Variants in ST6GALNAC3 observed in about 807,000 individuals in gnomAD.
ST6GALNAC3 encodes alpha-N-acetylgalactosaminide alpha-2,6-sialyltransferase 3.
A neutral mutation model predicts 32.7 loss-of-function variants in ST6GALNAC3; 25 were observed. The ratio of observed to expected loss-of-function variants is 0.76; its 90% confidence interval spans 0.56 to 1.07. The LOEUF is 1.07. Ranked by LOEUF, ST6GALNAC3 falls within the 50% of genes least tolerant of loss-of-function variation. ST6GALNAC3 has a pLI of 0.00. For missense variants in ST6GALNAC3, 355 were observed against 382.4 expected (o/e 0.93, Z 0.60); for synonymous variants, 129 against 133.1 (o/e 0.97, Z 0.21).
chr1:76,083,707 T>A (rs906783049), intron 1 of ST6GALNAC3, among the ~76,000 whole-genome samples: 5 of 152,246 alleles, frequency 3.3e-5, no homozygotes, highest in Non-Finnish European at 7.3e-5. Context: ...TTATTTAACT[T>A]GGTATATCCA....
chr1:76,333,742 A>G (rs531281658), intron 2 of ST6GALNAC3, among the ~76,000 whole-genome samples: 3 of 152,306 alleles, frequency 2.0e-5, no homozygotes, highest in African/African-American at 4.8e-5. Context: ...ATTTTAGTCA[A>G]TAAATATTTG....
chr1:76,577,882 G>C (rs762279186), intron 3 of ST6GALNAC3, among the ~76,000 whole-genome samples: 1 of 152,002 alleles, frequency 6.6e-6, no homozygotes, highest in Non-Finnish European at 1.5e-5. Context: ...AATATGTTTA[G>C]TGGATGAAGG....
At chr1:76,415,018 T>C (rs1654519284) in intron 3 of ST6GALNAC3, among the ~76,000 whole-genome samples, 1 of 151,894 alleles carries the variant, frequency 6.6e-6, no homozygotes, top group South Asian at 2.1e-4. Context: ...TCTCTCCTTC[T>C]CTCTTCTATC....
At chr1:76,077,151 G>T (rs1646827853) in intron 1 of ST6GALNAC3, among the ~76,000 whole-genome samples, 1 of 152,192 alleles carries the variant, frequency 6.6e-6, no homozygotes. Context: ...TCTTGCATAT[G>T]ATTTTAGACA....
intron 1 of ST6GALNAC3, among the ~76,000 whole-genome samples, chr1:76,263,389 A>T (rs1382551354): frequency 7.7e-6 from 1 of 129,556 alleles, no homozygotes; most frequent in African/African-American, 4.9e-5. Flanking sequence ...CTTATGTAAT[A>T]TTTTTTTATA....
At chr1:76,493,196 CTTG>C (rs1396808430) in intron 3 of ST6GALNAC3, among the ~76,000 whole-genome samples, 1 of 152,142 alleles carries the variant, frequency 6.6e-6, no homozygotes, top group African/African-American at 2.4e-5. Flanking sequence ...TGCTCTAAAT[CTTG>C]TTGTGCTGGA....
intron 3 of ST6GALNAC3, among the ~76,000 whole-genome samples, chr1:76,590,545 T>G (rs1306860545): frequency 6.6e-6 from 1 of 152,224 alleles, no homozygotes; most frequent in African/African-American, 2.4e-5. Flanking sequence ...AATACTGACT[T>G]ACTTCCAATC....
rs188780690 is a variant in ST6GALNAC3 at position 76,478,895 on chromosome 1, T to G, written c.623+66478T>G. ...CTCCTGCCTCAGCCTCCTGAGTAGC[T>G]GGGACCACAGGTGCCCGCCACCACG... On this transcript the variant is annotated intron_variant, in intron 3 of 4. Transcript: ENST00000328299. Among the ~76,000 whole-genome samples, 534 of 151,552 alleles carry G rather than the reference T, an allele frequency of 3.5e-3. 12 individuals carry two copies. The highest frequency in any genetic ancestry group is 0.032 in the Admixed American group (493 of 15,176).
intron 1 of ST6GALNAC3, among the ~76,000 whole-genome samples, chr1:76,089,068 A>G (rs113655309): frequency 0.018 from 2,748 of 152,114 alleles, 95 homozygotes; most frequent in African/African-American, 0.063. Flanking sequence ...TCGCTCTGTC[A>G]CCCAGGCTGG....
intron 1 of ST6GALNAC3, among the ~76,000 whole-genome samples, chr1:76,075,696 G>T (rs1008679704): frequency 2.1e-5 from 3 of 146,000 alleles, no homozygotes; most frequent in African/African-American, 7.3e-5. Context: ...ACTGGTAGAG[G>T]CCTCCCCTGC....
At chr1:76,474,074 C>T (rs376323092) in intron 3 of ST6GALNAC3, among the ~76,000 whole-genome samples, 1 of 152,092 alleles carries the variant, frequency 6.6e-6, no homozygotes, top group Non-Finnish European at 1.5e-5. Context: ...TCAATCACCC[C>T]AACAGAGACA....
At chr1:76,377,893 G>A (rs969504932) in intron 2 of ST6GALNAC3, among the ~76,000 whole-genome samples, 1 of 152,216 alleles carries the variant, frequency 6.6e-6, no homozygotes, top group East Asian at 1.9e-4. Context: ...GTGTCTACTG[G>A]GGTCGCAGGG....
At chr1:76,575,584 C>T (rs940892329) in intron 3 of ST6GALNAC3, among the ~76,000 whole-genome samples, 9 of 152,042 alleles carry the variant, frequency 5.9e-5, no homozygotes, top group Middle Eastern at 3.2e-3. Flanking sequence ...GATTAACTCT[C>T]AAGTTTCTTA....
intron 3 of ST6GALNAC3, among the ~76,000 whole-genome samples, chr1:76,540,061 G>C (rs988508815): frequency 1.3e-5 from 2 of 152,142 alleles, no homozygotes; most frequent in African/African-American, 4.8e-5. Flanking sequence ...GCACATATAT[G>C]TTTACTGCAG....
intron 3 of ST6GALNAC3, among the ~76,000 whole-genome samples, chr1:76,608,572 G>A (rs1647711324): frequency 6.6e-6 from 1 of 150,426 alleles, no homozygotes; most frequent in Non-Finnish European, 1.5e-5. Context: ...GTTGTCAGGG[G>A]AAGATCAAAA....
chr1:76,103,820 A>T (rs957383793), intron 1 of ST6GALNAC3, among the ~76,000 whole-genome samples: 2 of 152,284 alleles, frequency 1.3e-5, no homozygotes, highest in Admixed American at 1.3e-4. Context: ...CCAATCTCTT[A>T]TAAGAATACA....
intron 1 of ST6GALNAC3, among the ~76,000 whole-genome samples, chr1:76,294,320 C>T (rs1330809000): frequency 6.6e-6 from 1 of 151,628 alleles, no homozygotes; most frequent in Non-Finnish European, 1.5e-5. Context: ...TCAAAAAGCA[C>T]TGGGAAACAG....
intron 3 of ST6GALNAC3, among the ~76,000 whole-genome samples, chr1:76,416,623 TTTTG>T (rs1654644479): frequency 9.5e-6 from 1 of 105,166 alleles, no homozygotes; most frequent in Non-Finnish European, 2.0e-5. Flanking sequence ...GTATTGTGGG[TTTTG>T]TTTTTTTTTT....
intron 2 of ST6GALNAC3, among the ~76,000 whole-genome samples, chr1:76,338,413 T>G (rs951253843): frequency 4.6e-5 from 7 of 152,154 alleles, no homozygotes; most frequent in African/African-American, 1.7e-4. Flanking sequence ...AACACATAAA[T>G]GTAGATAAAG....
Sources: gnomAD v4.1 joint callset for allele counts (sites outside exome capture counted in the v4.1 genomes callset) on GRCh38, gnomAD v4.1.1 for gene constraint, MANE v1.5 for transcripts, NCBI Gene and HGNC (gene_info 2026-07-23, HGNC 2026-07-21) for gene names.